Variants in ARIH1 observed in about 807,000 individuals in gnomAD.
ARIH1 encodes E3 ubiquitin-protein ligase ARIH1.
A neutral mutation model predicts 85.0 loss-of-function variants in ARIH1; 8 were observed. That is an observed-to-expected ratio of 0.09 (90% CI 0.06 to 0.17). ARIH1 has a LOEUF of 0.17. Ranked by LOEUF, ARIH1 falls within the 10% of genes least tolerant of loss-of-function variation. The pLI is 1.00. For missense variants in ARIH1, 311 were observed against 718.1 expected, an observed-to-expected ratio of 0.43 and a Z score of 6.48; for synonymous variants, 238 against 253.6, an observed-to-expected ratio of 0.94 and a Z score of 0.59.
chr15:72,509,881 C>T (rs1045549697), intron 1 of ARIH1, among the ~76,000 whole-genome samples: 3 of 150,886 alleles, frequency 2.0e-5, no homozygotes, highest in Non-Finnish European at 2.9e-5. Context: ...TGACACCAAT[C>T]GCCCACTCCA....
At chr15:72,536,455 A>T (rs529717504) in intron 2 of ARIH1, among the ~76,000 whole-genome samples, 1 of 152,126 alleles carries the variant, frequency 6.6e-6, no homozygotes, top group Admixed American at 6.6e-5. Context: ...TTTAAAACTC[A>T]TGAGAAACAA....
At chr15:72,568,284 T>G (rs1337755849) in intron 9 of ARIH1, among the ~76,000 whole-genome samples, 2 of 152,246 alleles carry the variant, frequency 1.3e-5, no homozygotes, top group Admixed American at 1.3e-4. Context: ...AAGCATTCTT[T>G]TTTTGAAAAT....
At chr15:72,577,673 AAAACAAAAAACAAAC>A (rs991662022) in intron 11 of ARIH1, among the ~76,000 whole-genome samples, 2 of 152,006 alleles carry the variant, frequency 1.3e-5, no homozygotes, top group African/African-American at 4.8e-5. Context: ...ACTCCATCTC[AAAACAAAAAACAAAC>A]AAACAAAAAA....
intron 2 of ARIH1, among the ~76,000 whole-genome samples, chr15:72,526,782 T>G (rs576286564): frequency 6.6e-6 from 1 of 151,874 alleles, no homozygotes; most frequent in Non-Finnish European, 1.5e-5. Context: ...AGGACACCTT[T>G]AACTTTATGG....
chr15:72,476,549 A>G (rs1248534250), intron 1 of ARIH1, among the ~76,000 whole-genome samples: 4 of 151,804 alleles, frequency 2.6e-5, no homozygotes, highest in Admixed American at 2.6e-4. Context: ...TATTTTTAGT[A>G]GAGACGGGTT....
chr15:72,477,737 C>A (rs1377280428), intron 1 of ARIH1, among the ~76,000 whole-genome samples: 1 of 152,004 alleles, frequency 6.6e-6, no homozygotes, highest in Non-Finnish European at 1.5e-5. Flanking sequence ...TTAATTTGGT[C>A]TTTTGTTTAA....
At chr15:72,549,998 GAAGT>G (rs2064146561) in intron 3 of ARIH1, among the ~76,000 whole-genome samples, 1 of 152,184 alleles carries the variant, frequency 6.6e-6, no homozygotes, top group African/African-American at 2.4e-5. Flanking sequence ...GAGGGAAAGG[GAAGT>G]AAGACAGACA....
At chr15:72,477,326 A>G (rs2063798650) in intron 1 of ARIH1, among the ~76,000 whole-genome samples, 1 of 152,158 alleles carries the variant, frequency 6.6e-6, no homozygotes, top group Non-Finnish European at 1.5e-5. Flanking sequence ...TAGAGGTTGG[A>G]AATAGCAGTT....
chr15:72,572,066 GA>G, intron 10 of ARIH1, 41 bp from the exon 11 acceptor site: 1 of 1,316,948 alleles, frequency 7.6e-7, no homozygotes, highest in Non-Finnish European at 1.1e-6. Flanking sequence ...CCTTTTCATT[GA>G]TTTTTTTTTT....
rs1285090732 is a variant in ARIH1 at position 72,587,374 on chromosome 15, T to A, written c.*4082T>A. ...GCCTATCACTGCTACTGTTAGAGGT[T>A]GCTCTATACTATCTCTGATCTTTCA... is the stretch of plus-strand genomic sequence containing the variant. On this transcript the variant is annotated 3_prime_UTR_variant, in exon 14 of 14. Transcript: ENST00000379887. 4.7e-6 allele frequency: 2 copies of A among 426,140 alleles called. No individual in the cohort carries two copies. The highest frequency in any genetic ancestry group is 9.6e-6 in the Non-Finnish European group (2 of 208,648). 26.4% of individuals were successfully genotyped at this position (426,140 alleles called of 1,614,324 possible).
intron 1 of ARIH1, among the ~76,000 whole-genome samples, chr15:72,500,100 CT>C (rs35390888): frequency 0.87 from 128,178 of 147,102 alleles, 58,296 homozygotes; most frequent in East Asian, 1. Context: ...TCATTTCTCT[CT>C]TTTTTTTTTT....
At position 72,585,118 on chromosome 15, in the gene ARIH1, T is replaced by C. The variant is rs1391612325; in HGVS notation, c.*1826T>C. 5.9e-5 allele frequency: 9 copies of C among 152,132 alleles called. No individual in the cohort carries two copies. Among genetic ancestry groups the C allele is most frequent in the Admixed American group, 3.3e-4 (5 of 15,238 alleles). 9.4% of individuals were successfully genotyped at this position (152,132 alleles called of 1,614,324 possible). ...TTGCTGAATCAACCCTACTTTTCCT[T>C]TTAGAAAAGGTTGTTACAGGAGATT... is the stretch of plus-strand genomic sequence containing the variant. On this transcript the variant is annotated 3_prime_UTR_variant, in exon 14 of 14. Coordinates refer to ENST00000379887, the MANE Select transcript of ARIH1 (RefSeq NM_005744.5).
intron 1 of ARIH1, 57 bp from the exon 2 acceptor site, chr15:72,518,010 T>C (rs1164485617): frequency 7.4e-7 from 1 of 1,352,642 alleles, no homozygotes; most frequent in East Asian, 2.3e-5. Context: ...AGGAGTTCAC[T>C]AAATGTCCAT....
intron 1 of ARIH1, among the ~76,000 whole-genome samples, chr15:72,510,343 C>A (rs1047242678): frequency 6.6e-6 from 1 of 151,906 alleles, no homozygotes; most frequent in Admixed American, 6.6e-5. Context: ...GATGTATGTA[C>A]GAACTATTTG....
chr15:72,558,907 A>G (rs1313747888), intron 5 of ARIH1, among the ~76,000 whole-genome samples: 1 of 152,218 alleles, frequency 6.6e-6, no homozygotes, highest in Non-Finnish European at 1.5e-5. Context: ...TGGGTAATAC[A>G]TGTGTAAATA....
At chr15:72,538,376 G>A (rs540082932) in intron 2 of ARIH1, among the ~76,000 whole-genome samples, 1 of 152,218 alleles carries the variant, frequency 6.6e-6, no homozygotes, top group South Asian at 2.1e-4. Context: ...AAATAAATAA[G>A]TAAATAAAGG....
At chr15:72,487,923 C>T (rs1297193061) in intron 1 of ARIH1, among the ~76,000 whole-genome samples, 1 of 152,208 alleles carries the variant, frequency 6.6e-6, no homozygotes, top group African/African-American at 2.4e-5. Flanking sequence ...TTCCTCATCC[C>T]TTATCACCCC....
At chr15:72,579,554 A>T (rs2064287186) in intron 11 of ARIH1, among the ~76,000 whole-genome samples, 1 of 152,218 alleles carries the variant, frequency 6.6e-6, no homozygotes, top group South Asian at 2.1e-4. Flanking sequence ...GTAATGATGT[A>T]AATGTTCTTT....
At chr15:72,576,438 G>A (rs2064271495) in intron 11 of ARIH1, among the ~76,000 whole-genome samples, 1 of 147,762 alleles carries the variant, frequency 6.8e-6, no homozygotes, top group African/African-American at 2.5e-5. Flanking sequence ...CCCGGGAGGT[G>A]GAGCTTGTGG....
Sources: gnomAD v4.1 joint callset for allele counts (sites outside exome capture counted in the v4.1 genomes callset) on GRCh38, gnomAD v4.1.1 for gene constraint, MANE v1.5 for transcripts, NCBI Gene and HGNC (gene_info 2026-07-23, HGNC 2026-07-21) for gene names.